The following SVIL variants were observed in gnomAD, a reference collection of about 807,000 sequenced individuals.
SVIL encodes the protein archvillin.
SVIL carries 101 observed loss-of-function variants against 240.4 expected under a neutral mutation model. The observed-to-expected ratio is 0.42, with a 90% CI of 0.36 to 0.50. The LOEUF (loss-of-function observed/expected upper bound fraction) is 0.50, where lower values mean the gene tolerates loss of function less well. SVIL is among the 20% of genes least tolerant of loss of function. The pLI, the probability that SVIL is intolerant of heterozygous loss-of-function variation, is 0.01. For synonymous variants in SVIL, 999 were observed against 1,100.0 expected, an observed-to-expected ratio of 0.91 and a Z score of 1.82; for missense variants, 2,512 against 2,818.7, an observed-to-expected ratio of 0.89 and a Z score of 2.46.
chr10:29,512,809 T>C lies in SVIL; in HGVS notation c.3442A>G (p.Arg1148Gly). The change falls in exon 17 of 38, where the codon AGG becomes GGG. Residue 1148 changes from arginine (R) to glycine (G), a missense_variant. Transcript: ENST00000355867. ...GGCGCCTTGCCGCCCTCCTGCCTCC[T>C]GCTGAGTCTGTTTCTCCAATCTTCC... is the stretch of plus-strand genomic sequence containing the variant. ...GEEDWRNRLS[R>G]RQEGGKAPAS... The C allele has an allele frequency of 6.2e-7, 1 of 1,612,968 alleles. No individual in the cohort carries two copies. Among genetic ancestry groups the C allele is most frequent in the Middle Eastern group, 1.9e-4 (1 of 5,252 alleles).
chr10:29,670,959 A>C (rs151038151), intron 2 of SVIL: 2 of 152,220 alleles, frequency 1.3e-5, no homozygotes, highest in Admixed American at 1.3e-4. Flanking sequence ...TCTATTTTCC[A>C]TCTTTTCCTC....
intron 2 of SVIL, among the ~76,000 whole-genome samples, chr10:29,568,028 C>A (rs76444739): frequency 0.031 from 3,550 of 116,036 alleles, 253 homozygotes; most frequent in East Asian, 0.29. Flanking sequence ...AAAAAAAAAA[C>A]AAAAAAAAAA....
Position 29,725,866 on chromosome 10 carries a change from CT to C in SVIL, c.-400+9884del, listed in dbSNP as rs199555128. ...CTAGACTAGATCCCCATGGTACATCCTTTATAGGAGAGAGTGGGGCTAGGGC... is the reference window on the plus strand; with the variant it reads ...CTAGACTAGATCCCCATGGTACATCCTTATAGGAGAGAGTGGGGCTAGGGC... On this transcript the variant is annotated intron_variant, in intron 1 of 35. Coordinates refer to the SVIL transcript ENST00000375400. 1.7e-3 allele frequency among the ~76,000 whole-genome samples: 252 copies of C among 152,298 alleles called. 5 individuals carry two copies. The East Asian group carries it at 0.044, about 27-fold the overall frequency.
chr10:29,608,821 TG>T (rs1227201283), intron 1 of SVIL, among the ~76,000 whole-genome samples: 1 of 152,122 alleles, frequency 6.6e-6, no homozygotes, highest in Non-Finnish European at 1.5e-5. Flanking sequence ...CAGGAAGGGG[TG>T]GGTCTCTAGT....
At chr10:29,480,137 T>C (rs1946667501) in intron 29 of SVIL, among the ~76,000 whole-genome samples, 1 of 152,214 alleles carries the variant, frequency 6.6e-6, no homozygotes, top group African/African-American at 2.4e-5. Context: ...ACCATTTGGT[T>C]CCAGCTTTAA....
In SVIL at chr10:29,574,690, G is replaced by C. The variant is rs186433965; in HGVS notation, c.-200-5378C>G. 2.2e-3 allele frequency among the ~76,000 whole-genome samples: 328 copies of C among 152,282 alleles called. 4 individuals carry two copies. The highest frequency in any genetic ancestry group is 9.7e-4 in the Non-Finnish European group (66 of 68,030). ...TCCCCAGGACAACTCCCACATTCCTGATCAGCCTGAGCACAAGAGAACCGG... is the reference window on the plus strand; with the variant it reads ...TCCCCAGGACAACTCCCACATTCCTCATCAGCCTGAGCACAAGAGAACCGG... On this transcript the variant is annotated intron_variant, in intron 1 of 37. Transcript: ENST00000355867.
At chr10:29,650,592 A>C (rs1958803725) in intron 3 of SVIL, among the ~76,000 whole-genome samples, 1 of 152,172 alleles carries the variant, frequency 6.6e-6, no homozygotes, top group Non-Finnish European at 1.5e-5. Context: ...TAATAAATGC[A>C]TATATAATAA....
intron 1 of SVIL, among the ~76,000 whole-genome samples, chr10:29,590,774 G>A (rs1022944295): frequency 4.6e-5 from 7 of 152,302 alleles, no homozygotes; most frequent in African/African-American, 1.7e-4. Context: ...CTTAGTCACA[G>A]TTATCCACAT....
chr10:29,595,047 G>A (rs1272507371), intron 1 of SVIL, among the ~76,000 whole-genome samples: 2 of 152,176 alleles, frequency 1.3e-5, no homozygotes, highest in African/African-American at 4.8e-5. Flanking sequence ...CCTCTCCTCG[G>A]TTAGGCCTTC....
chr10:29,631,969 G>A (rs1958113518), intron 1 of SVIL, among the ~76,000 whole-genome samples: 2 of 152,120 alleles, frequency 1.3e-5, no homozygotes, highest in Admixed American at 1.3e-4. Flanking sequence ...CCTGAGATCA[G>A]CGCTTTAACA....
intron 6 of SVIL, among the ~76,000 whole-genome samples, chr10:29,542,219 C>T (rs1183772541): frequency 1.3e-5 from 2 of 152,204 alleles, no homozygotes; most frequent in Admixed American, 1.3e-4. Flanking sequence ...TTTGGTGACA[C>T]TTTAAGCAAA....
intron 2 of SVIL, among the ~76,000 whole-genome samples, chr10:29,666,141 C>T (rs781541469): frequency 1.3e-5 from 2 of 152,164 alleles, no homozygotes; most frequent in African/African-American, 2.4e-5. Flanking sequence ...TGGTCTCAAA[C>T]TCCTGGCCTC....
At chr10:29,608,883 T>G (rs1957128413) in intron 1 of SVIL, among the ~76,000 whole-genome samples, 1 of 152,204 alleles carries the variant, frequency 6.6e-6, no homozygotes, top group African/African-American at 2.4e-5. Context: ...GGCTCAGCTG[T>G]CCGTTCCAGG....
At chr10:29,657,076 A>C (rs1219251350) in intron 3 of SVIL, among the ~76,000 whole-genome samples, 3 of 152,204 alleles carry the variant, frequency 2.0e-5, no homozygotes, top group African/African-American at 4.8e-5. Flanking sequence ...CAGTTTATTA[A>C]GTGTCAAACC....
chr10:29,635,809 T>C (rs915525814), upstream of SVIL, among the ~76,000 whole-genome samples: 3 of 152,186 alleles, frequency 2.0e-5, no homozygotes, highest in African/African-American at 7.2e-5. Context: ...CCAACTTCAG[T>C]ATAAACCACA....
intron 1 of SVIL, among the ~76,000 whole-genome samples, chr10:29,724,660 G>A (rs527274818): frequency 6.6e-6 from 1 of 152,226 alleles, no homozygotes; most frequent in South Asian, 2.1e-4. Context: ...GAAGTAAGCT[G>A]TCTCTTCATT....
rs201567997 is a variant in SVIL, at chr10:29,499,100, A to G, written c.3664+16T>C. 3 of 1,606,566 alleles carry G rather than the reference A, an allele frequency of 1.9e-6. No homozygotes were observed. The highest frequency in any genetic ancestry group is 2.6e-6 in the Non-Finnish European group (3 of 1,175,830). On this transcript the variant is annotated intron_variant, in intron 18 of 37. Coordinates refer to ENST00000355867, the MANE Select transcript of SVIL (RefSeq NM_021738.3). ...CATTGTGCACACACCACACACATGG[A>G]CACACACACACTGACCTTTCTTCAC... is the stretch of plus-strand genomic sequence containing the variant.
chr10:29,564,736 G>C (rs372324655), intron 2 of SVIL, among the ~76,000 whole-genome samples: 4 of 152,240 alleles, frequency 2.6e-5, no homozygotes, highest in African/African-American at 9.6e-5. Context: ...ATACAATGTA[G>C]CAAAGCTTAC....
intron 17 of SVIL, among the ~76,000 whole-genome samples, chr10:29,500,142 G>A (rs1948760812): frequency 6.6e-6 from 1 of 152,094 alleles, no homozygotes; most frequent in African/African-American, 2.4e-5. Context: ...GGAGGGACAG[G>A]AGCAGCGATG....
Sources: gnomAD v4.1 joint callset for allele counts (sites outside exome capture counted in the v4.1 genomes callset) on GRCh38, gnomAD v4.1.1 for gene constraint, MANE v1.5 for transcripts, NCBI Gene and HGNC (gene_info 2026-07-23, HGNC 2026-07-21) for gene names.